The following MZF1 variants were observed in gnomAD, a reference collection of about 807,000 sequenced individuals.
The protein encoded by MZF1 is zinc finger and SCAN domain-containing protein 6.
In MZF1, 24 loss-of-function variants were observed where a neutral mutation model predicts 28.6. That is an observed-to-expected ratio of 0.84 (90% CI 0.61 to 1.18). MZF1 has a LOEUF of 1.18. Ranked by LOEUF, MZF1 falls within the 50% of genes most tolerant of loss-of-function variation. The probability of loss-of-function intolerance (pLI) is 0.00; values close to 1 mark genes in which losing one functional copy is unlikely to be tolerated. For missense variants in MZF1, 1,166 were observed against 1,026.4 expected, an observed-to-expected ratio of 1.14 and a Z score of -1.86; for synonymous variants, 516 against 432.5, an observed-to-expected ratio of 1.19 and a Z score of -2.40.
chr19:58,565,796 T>TAATCCCA, intron 5 of MZF1, among the ~76,000 whole-genome samples: 1 of 144,014 alleles, frequency 6.9e-6, no homozygotes, highest in African/African-American at 2.6e-5. Context: ...CCTCCCAAAG[T>TAATCCCA]GCTGGGATTA....
At chr19:58,565,795 G>A (rs2054041377) in intron 5 of MZF1, among the ~76,000 whole-genome samples, 2 of 148,310 alleles carry the variant, frequency 1.3e-5, no homozygotes, top group East Asian at 2.1e-4. Flanking sequence ...GCCTCCCAAA[G>A]TGCTGGGATT....
Position 58,562,375 on chromosome 19 carries a change from G to A in MZF1, c.1902C>T (p.Phe634=). The A allele has an allele frequency of 3.1e-6, 5 of 1,609,660 alleles. No homozygotes were observed. Among genetic ancestry groups the A allele is most frequent in the Non-Finnish European group, 4.2e-6 (5 of 1,178,370 alleles). The change falls in exon 6 of 6, where the codon TTC becomes TTT. Residue 634 remains phenylalanine (F), a synonymous_variant. Transcript: ENST00000215057. The part of the protein sequence containing the change: ...PYHCGECGLG[F]TQVSRLTEHQ... ...GCTCGGTGAGCCGCGAGACCTGCGT[G>A]AAGCCCAGGCCGCACTCACCGCAGT...
rs12104253 is a variant in MZF1 at position 58,563,305 on chromosome 19, C to G, written c.972G>C (p.Arg324=). 3.5e-3 allele frequency: 5,686 copies of G among 1,608,484 alleles called. 164 individuals carry two copies. The African/African-American group carries it at 0.065, about 18-fold the overall frequency. The change falls in exon 6 of 6, where the codon CGG becomes CGC. Residue 324 remains arginine, a synonymous_variant. Coordinates refer to ENST00000215057, the MANE Select transcript of MZF1 (RefSeq NM_198055.2). ...EQDPTDEDPC[R]GVGPALITTR... ...TGGTGATCAGAGCAGGGCCCACACC[C>G]CGGCAGGGATCCTCGTCCGTGGGGT...
In MZF1 at chr19:58,571,120, C is replaced by G; in HGVS notation, c.270G>C (p.Glu90Asp). ...KEQMLELLVL[E>D]QFLGALPPEI... ...CAGGGGGCAGTGCGCCCAGGAACTG[C>G]TCCAGCACCAACAGCTCCAGCATCT... The change falls in exon 2 of 6, where the codon GAG (glutamate) becomes GAC (aspartate). Residue 90 changes from glutamate (E) to aspartate (D), a missense_variant. Glu to Asp is a conservative substitution (Grantham distance 45, BLOSUM62 2). Transcript: ENST00000215057. 1 of 1,614,064 alleles carries G rather than the reference C, an allele frequency of 6.2e-7. No individual in the cohort carries two copies. Among genetic ancestry groups the G allele is most frequent in the South Asian group, 1.1e-5 (1 of 91,080 alleles).
rs1199188907 is a variant in MZF1, at chr19:58,562,530, T to G, written c.1747A>C (p.Thr583Pro). 2 of 1,608,308 alleles carry G rather than the reference T, an allele frequency of 1.2e-6. No homozygotes were observed. The highest frequency in any genetic ancestry group is 4.5e-5 in the East Asian group (2 of 44,636). The change falls in exon 6 of 6, where the codon ACG (threonine) becomes CCG (proline). Residue 583 changes from threonine to proline, a missense_variant. Coordinates refer to ENST00000215057, the MANE Select transcript of MZF1 (RefSeq NM_198055.2). ...TGTACGCGGAGATGCTGCGTGAGCG[T>G]AGGCCGCTGGCGGAAGGCCTTGCCA... is the stretch of plus-strand genomic sequence containing the variant. ...ECGKAFRQRP[T>P]LTQHLRVHTG...
chr19:58,564,917 T>TTG (rs2054015508), intron 5 of MZF1, among the ~76,000 whole-genome samples: 1 of 120,984 alleles, frequency 8.3e-6, no homozygotes, highest in Non-Finnish European at 1.7e-5. Context: ...TTTTTTTTTT[T>TTG]TTTTTTTTTT....
At chr19:58,564,383 C>T (rs1295134741) in intron 5 of MZF1, 1 of 152,142 alleles carries the variant, frequency 6.6e-6, no homozygotes, top group African/African-American at 2.4e-5. Flanking sequence ...TCTCCACAGG[C>T]AAAAGGCTAA....
chr19:58,570,564 A>T (rs1406184204), intron 2 of MZF1, 37 bp from the exon 3 acceptor site: 6 of 1,590,732 alleles, frequency 3.8e-6, no homozygotes, highest in Non-Finnish European at 5.1e-6. Flanking sequence ...GTCCTACCAG[A>T]GAGTAAGGCT....
At position 58,562,184 on chromosome 19, in the gene MZF1, T is replaced by TGCGTGA; in HGVS notation, c.2087_2092dup (p.Leu696_Thr697dup). On this transcript the variant is annotated inframe_insertion, in exon 6 of 6. Transcript: ENST00000215057. ...CTCTCGTCGGTGGGTGCGCAGATGCTGCGTGAGCGTGGGCCGCTGGCGGAA... is the reference window on the plus strand; with the variant it reads ...CTCTCGTCGGTGGGTGCGCAGATGCTGCGTGAGCGTGAGCGTGGGCCGCTGGCGGAA... 2.5e-6 allele frequency: 4 copies of TGCGTGA among 1,605,388 alleles called. No individual in the cohort carries two copies. The Middle Eastern group carries it at 6.6e-4, about 265-fold the overall frequency.
Position 58,562,752 on chromosome 19 carries a change from C to G in MZF1, c.1525G>C (p.Gly509Arg), listed in dbSNP as rs758525901. The G allele has an allele frequency of 2.6e-6, 4 of 1,535,880 alleles. No individual in the cohort carries two copies. In the African/African-American group the frequency reaches 5.5e-5, roughly 21 times the overall value. ...TCGACGCAGCCAAAGGACTTGTCGC[C>G]CGTGTGTACCGCCTGGTGCTCCAGC... is the stretch of plus-strand genomic sequence containing the variant. Reference protein sequence around the residue: ...VLLEHQAVHTGDKSFGCVECG... With the variant: ...VLLEHQAVHTRDKSFGCVECG... Residue 509 changes from glycine to arginine, a missense_variant, in exon 6 of 6, where the codon GGC becomes CGC. Coordinates refer to ENST00000215057, the MANE Select transcript of MZF1 (RefSeq NM_198055.2).
chr19:58,572,275 C>A (rs73562719), intron 1 of MZF1, among the ~76,000 whole-genome samples: 8,666 of 152,174 alleles, frequency 0.057, 813 homozygotes, highest in African/African-American at 0.19. Context: ...CCTGTGCAGT[C>A]ACTTGTATGG....
At chr19:58,565,584 G>T (rs1162262165) in intron 5 of MZF1, among the ~76,000 whole-genome samples, 1 of 151,806 alleles carries the variant, frequency 6.6e-6, no homozygotes, top group South Asian at 2.1e-4. Context: ...CCAGGCTGGA[G>T]TGTAGTGGCG....
In MZF1 at chr19:58,571,009, G is replaced by C; in HGVS notation, c.381C>G (p.Gly127=). The C allele has an allele frequency of 6.2e-7, 1 of 1,608,274 alleles. No individual in the cohort carries two copies. The highest frequency in any genetic ancestry group is 8.5e-7 in the Non-Finnish European group (1 of 1,176,686). The part of the protein sequence containing the change: ...ALVDGLRREP[G]GPRRWVTVQV... ...ACTCACTCACCCATCTCCGGGGTCC[G>C]CCCGGCTCCCGGCGCAGCCCATCTA... Residue 127 remains glycine (G), a synonymous_variant, in exon 2 of 6, where the codon GGC becomes GGG. Transcript: ENST00000215057.
At chr19:58,570,883 C>G (rs2122732144) in intron 2 of MZF1, 111 bp downstream of exon 2, 1 of 1,283,926 alleles carries the variant, frequency 7.8e-7, no homozygotes, top group Admixed American at 2.4e-5. Context: ...CAGGTGGCCA[C>G]TTCTGTACCA....
Position 58,570,432 on chromosome 19 carries a change from C to T in MZF1, c.492G>A (p.Glu164=), listed in dbSNP as rs914253576. ...PLPETEPPTP[E]PGPKTPPRTM... is the part of the protein sequence containing the mutation. ...TCCTAGGAGGTGTCTTGGGCCCAGG[C>T]TCTGGAGTTGGAGGCTCAGTTTCAG... Residue 164 remains glutamate, a synonymous_variant, in exon 3 of 6, where the codon GAG becomes GAA. Transcript: ENST00000215057. The T allele has an allele frequency of 6.2e-7, 1 of 1,613,958 alleles. No individual in the cohort carries two copies. The highest frequency in any genetic ancestry group is 8.5e-7 in the Non-Finnish European group (1 of 1,179,900).
In MZF1 at chr19:58,563,635, G is replaced by A. The variant is rs576074057; in HGVS notation, c.773-131C>T. ...AAAGAGGCAGACGGAGGCGACAAAT[G>A]CAGGGGTAGGGATTCTATCTGTACA... On this transcript the variant is annotated intron_variant, in intron 5 of 5. Coordinates refer to ENST00000215057, the MANE Select transcript of MZF1 (RefSeq NM_198055.2). The A allele has an allele frequency of 1.2e-4, 85 of 683,266 alleles. No homozygotes were observed. In the African/African-American group the frequency reaches 1.4e-3, roughly 11 times the overall value. The allele number at this position is 683,266 out of a possible 1,614,324, so 42.3% of individuals were successfully genotyped here. A position where few individuals can be genotyped will look rare whatever the true frequency, so the allele number is the denominator to read the frequency against.
intron 5 of MZF1, among the ~76,000 whole-genome samples, chr19:58,565,677 C>T (rs370314022): frequency 4.0e-5 from 6 of 151,644 alleles, no homozygotes; most frequent in African/African-American, 1.2e-4. Context: ...GGACTACAGG[C>T]GCCCGCCACC....
intron 5 of MZF1, among the ~76,000 whole-genome samples, chr19:58,564,921 T>TTG (rs1568680478): frequency 1.6e-5 from 2 of 122,834 alleles, no homozygotes; most frequent in Non-Finnish European, 1.6e-5. Flanking sequence ...TTTTTTTTTT[T>TTG]TTTTTTTTTT....
chr19:58,570,585 T>A, intron 2 of MZF1, 58 bp from the exon 3 acceptor site: 2 of 1,534,814 alleles, frequency 1.3e-6, no homozygotes, highest in Non-Finnish European at 1.8e-6. Context: ...GGCCGCAACC[T>A]GGGGTTTGTG....
Sources: gnomAD v4.1 joint callset for allele counts (sites outside exome capture counted in the v4.1 genomes callset) on GRCh38, gnomAD v4.1.1 for gene constraint, MANE v1.5 for transcripts, NCBI Gene and HGNC (gene_info 2026-07-23, HGNC 2026-07-21) for gene names.